Variants in NEDD1 observed in about 807,000 individuals in gnomAD.
The protein encoded by NEDD1 is protein NEDD1.
Under a neutral mutation model 74.0 loss-of-function variants are expected in NEDD1, and 33 were observed. The observed-to-expected ratio is 0.45, with a 90% CI of 0.34 to 0.60. The LOEUF (loss-of-function observed/expected upper bound fraction) is 0.60, where lower values mean the gene tolerates loss of function less well. Ranked by LOEUF, NEDD1 falls within the 20% of genes least tolerant of loss-of-function variation. The probability of loss-of-function intolerance (pLI) is 0.01; values close to 1 mark genes in which losing one functional copy is unlikely to be tolerated. For synonymous variants in NEDD1, 250 were observed against 264.4 expected (o/e 0.95, Z 0.53); for missense variants, 746 against 776.5 (o/e 0.96, Z 0.47).
intron 5 of NEDD1, among the ~76,000 whole-genome samples, chr12:96,918,390 TAAA>T (rs1198067463): frequency 1.0e-4 from 13 of 126,522 alleles, no homozygotes; most frequent in Middle Eastern, 3.9e-3. Context: ...ATTTTTGTCT[TAAA>T]AAAGTTTTAA....
intron 6 of NEDD1, among the ~76,000 whole-genome samples, chr12:96,920,945 T>C (rs1050233849): frequency 4.6e-5 from 7 of 152,140 alleles, no homozygotes; most frequent in South Asian, 2.1e-4. Flanking sequence ...TTCATATATA[T>C]TGGGGAATAA....
intron 6 of NEDD1, among the ~76,000 whole-genome samples, chr12:96,926,313 C>T (rs1427905729): frequency 1.3e-5 from 2 of 152,102 alleles, no homozygotes; most frequent in Non-Finnish European, 2.9e-5. Flanking sequence ...TGACTAGAGT[C>T]TGTTGGTTTT....
chr12:96,917,679 T>G lies in NEDD1; in HGVS notation c.290T>G (p.Leu97Arg). ...STSMYLVSGG[L>R]NNTVNIWDLK... ...TCTATGTATTTGGTAAGCGGAGGCC[T>G]AAATAACACTGTTAATATTTGGGAT... Residue 97 changes from leucine (L) to arginine (R), a missense_variant, in exon 5 of 16, where the codon CTA (leucine) becomes CGA (arginine). Around this residue, in one of 3 missense-constraint regions of NEDD1, gnomAD observed 706 missense variants for 706.7 expected, o/e 1.00. Transcript: ENST00000266742. 6.4e-7 allele frequency: 1 copy of G among 1,563,574 alleles called. No homozygotes were observed. The highest frequency in any genetic ancestry group is 8.6e-7 in the Non-Finnish European group (1 of 1,164,154).
chr12:96,911,772 G>A lies in NEDD1; in HGVS notation c.137-951G>A, dbSNP rs1343393709. ...TTTTTCTCGCTATGGTAATATCTAG[G>A]TAGGAATGATTTGATTTGCATCATG... is the stretch of plus-strand genomic sequence containing the variant. On this transcript the variant is annotated intron_variant, in intron 3 of 15. Coordinates refer to ENST00000266742, the MANE Select transcript of NEDD1 (RefSeq NM_152905.4). Among the ~76,000 whole-genome samples the A allele has an allele frequency of 2.6e-5, 4 of 151,894 alleles. No individual in the cohort carries two copies. The East Asian group carries it at 5.8e-4, about 22-fold the overall frequency.
chr12:96,939,258 A>G (rs1359026611), intron 9 of NEDD1, among the ~76,000 whole-genome samples: 1 of 152,060 alleles, frequency 6.6e-6, no homozygotes, highest in Non-Finnish European at 1.5e-5. Context: ...GAAAAGAATA[A>G]GACTTTAGCG....
At chr12:96,928,488 G>A (rs1274810050) in intron 6 of NEDD1, among the ~76,000 whole-genome samples, 1 of 152,100 alleles carries the variant, frequency 6.6e-6, no homozygotes, top group East Asian at 1.9e-4. Context: ...AGGAGCTTAA[G>A]TGTTACCCTA....
chr12:96,917,796 C>T, intron 5 of NEDD1, 59 bp downstream of exon 5: 1 of 1,465,026 alleles, frequency 6.8e-7, no homozygotes, highest in Non-Finnish European at 9.0e-7. Context: ...ATTTAGAGTA[C>T]TTACCAAGCT....
intron 3 of NEDD1, among the ~76,000 whole-genome samples, chr12:96,911,445 A>G (rs1873908634): frequency 6.6e-6 from 1 of 152,168 alleles, no homozygotes; most frequent in Non-Finnish European, 1.5e-5. Context: ...CTTATTCTTA[A>G]TAAGGCTTTG....
Position 96,940,503 on chromosome 12 carries a change from T to C in NEDD1, c.1212T>C (p.Ser404=), listed in dbSNP as rs754742381. The C allele has an allele frequency of 6.2e-7, 1 of 1,606,390 alleles. No homozygotes were observed. The highest frequency in any genetic ancestry group is 1.7e-5 in the Admixed American group (1 of 59,814). Residue 404 remains serine, a synonymous_variant, in exon 10 of 16, where the codon AGT becomes AGC. Transcript: ENST00000266742. The part of the protein sequence containing the change: ...DFSSFDDTGK[S]SLGDMFSPIR... ...CCAGCTTTGATGATACTGGGAAAAG[T>C]AGTTTAGGTGACATGTTCTCACCTA... is the stretch of plus-strand genomic sequence containing the variant.
At chr12:96,931,934 TTAG>T (rs1326485878) in intron 6 of NEDD1, among the ~76,000 whole-genome samples, 1 of 152,184 alleles carries the variant, frequency 6.6e-6, no homozygotes, top group Non-Finnish European at 1.5e-5. Context: ...AATAATTATC[TTAG>T]TAGAGACTGA....
intron 14 of NEDD1, among the ~76,000 whole-genome samples, chr12:96,948,675 CT>C (rs1256618520): frequency 5.3e-5 from 8 of 152,152 alleles, no homozygotes; most frequent in African/African-American, 1.7e-4. Context: ...ATTTAAGTTT[CT>C]TTTGGCAAGC....
chr12:96,929,343 TTAATGTCTTGTATTTTTTTTTTC>T, intron 6 of NEDD1, among the ~76,000 whole-genome samples: 2 of 42,546 alleles, frequency 4.7e-5, no homozygotes, highest in Admixed American at 2.5e-4. Flanking sequence ...GTTTTTTTTC[TTAATGTCTTGTATTTTTTTTTTC>T]CTTAATGTCT....
chr12:96,918,903 A>C (rs1264413746), intron 5 of NEDD1, among the ~76,000 whole-genome samples: 1 of 152,190 alleles, frequency 6.6e-6, no homozygotes, highest in Non-Finnish European at 1.5e-5. Flanking sequence ...CAAGATAGCA[A>C]GTGTTCCTTG....
intron 8 of NEDD1, 88 bp downstream of exon 8, chr12:96,936,900 T>A (rs1877161079): frequency 1.3e-6 from 1 of 759,766 alleles, no homozygotes; most frequent in East Asian, 2.7e-5. Context: ...TTAAACAGTA[T>A]AGTTTTGTTT....
chr12:96,928,676 T>C (rs1006495712), intron 6 of NEDD1, among the ~76,000 whole-genome samples: 10 of 147,922 alleles, frequency 6.8e-5, no homozygotes, highest in African/African-American at 2.5e-4. Context: ...GTACATAGTG[T>C]GTTTCTTTTT....
At chr12:96,929,804 C>G (rs1047386234) in intron 6 of NEDD1, among the ~76,000 whole-genome samples, 6 of 152,018 alleles carry the variant, frequency 3.9e-5, no homozygotes, top group African/African-American at 1.5e-4. Flanking sequence ...TTGGAATTCT[C>G]TGGCTAAACT....
At chr12:96,915,545 A>G (rs1433037894) in intron 4 of NEDD1, among the ~76,000 whole-genome samples, 1 of 152,208 alleles carries the variant, frequency 6.6e-6, no homozygotes, top group East Asian at 1.9e-4. Context: ...CTAAACCTAC[A>G]TAGCTTGCCT....
intron 13 of NEDD1, 21 bp downstream of exon 13, chr12:96,944,816 G>T (rs766933790): frequency 6.7e-7 from 1 of 1,503,370 alleles, no homozygotes; most frequent in East Asian, 2.4e-5. Context: ...GAAACTTCCT[G>T]ATGTTTGAAA....
At chr12:96,929,625 T>TA (rs376505455) in intron 6 of NEDD1, among the ~76,000 whole-genome samples, 50,345 of 106,358 alleles carry the variant, frequency 0.47, 9,446 homozygotes, top group South Asian at 0.53. Context: ...ATATATATAT[T>TA]TTTTTTTTAA....
Sources: allele counts gnomAD v4.1 joint callset (sites outside exome capture counted in the v4.1 genomes callset), GRCh38; gene constraint gnomAD v4.1.1; regional missense constraint gnomAD v4.1.1; transcripts MANE v1.5; gene names NCBI Gene and HGNC (gene_info 2026-07-23, HGNC 2026-07-21).